Variants in PPP3R1 observed in about 807,000 individuals in gnomAD.
PPP3R1 encodes the protein calcineurin subunit B type 1.
In PPP3R1, 5 loss-of-function variants were observed where a neutral mutation model predicts 22.6. That is an observed-to-expected ratio of 0.22 (90% CI 0.12 to 0.46). The LOEUF is 0.46. Among genes scored for constraint, PPP3R1 ranks in the 20% least tolerant of loss-of-function variants. The pLI is 0.99. For synonymous variants in PPP3R1, 56 were observed against 65.2 expected, an observed-to-expected ratio of 0.86 and a Z score of 0.68; for missense variants, 61 against 203.2, an observed-to-expected ratio of 0.30 and a Z score of 4.25.
intron 2 of PPP3R1, among the ~76,000 whole-genome samples, chr2:68,209,374 A>C (rs1439196700): frequency 2.1e-5 from 3 of 140,472 alleles, no homozygotes; most frequent in Non-Finnish European, 4.5e-5. Flanking sequence ...AAAAAAAAAA[A>C]AAAAAAAAAA....
intron 1 of PPP3R1, among the ~76,000 whole-genome samples, chr2:68,228,548 T>G (rs1180445509): frequency 6.6e-6 from 1 of 152,188 alleles, no homozygotes; most frequent in Non-Finnish European, 1.5e-5. Flanking sequence ...TTCCTGATAA[T>G]GGTAATTTGT....
At chr2:68,191,597 C>T (rs761424855) in intron 2 of PPP3R1, among the ~76,000 whole-genome samples, 7 of 152,106 alleles carry the variant, frequency 4.6e-5, no homozygotes, top group Non-Finnish European at 8.8e-5. Context: ...CAATGCAACT[C>T]GTTGTTAAGT....
At chr2:68,206,098 G>A (rs755407841) in intron 2 of PPP3R1, among the ~76,000 whole-genome samples, 11 of 152,180 alleles carry the variant, frequency 7.2e-5, no homozygotes, top group Non-Finnish European at 1.2e-4. Flanking sequence ...GATTACAGGC[G>A]TGAGCCACCG....
At chr2:68,198,250 T>TAC (rs2103738939) in intron 2 of PPP3R1, among the ~76,000 whole-genome samples, 1 of 145,812 alleles carries the variant, frequency 6.9e-6, no homozygotes, top group East Asian at 2.0e-4. Context: ...CATATGTACA[T>TAC]ACATATGTAT....
chr2:68,250,350 C>CA (rs1251493897), intron 1 of PPP3R1, among the ~76,000 whole-genome samples: 2 of 152,046 alleles, frequency 1.3e-5, no homozygotes, highest in Non-Finnish European at 2.9e-5. Context: ...GTCTGTTGTT[C>CA]AAAAAACAGA....
chr2:68,187,142 T>C (rs1674562779), intron 4 of PPP3R1, 113 bp downstream of exon 4: 2 of 883,718 alleles, frequency 2.3e-6, no homozygotes, highest in Non-Finnish European at 3.3e-6. Context: ...TTCAGTTATG[T>C]CTAAGGATCT....
intron 1 of PPP3R1, among the ~76,000 whole-genome samples, chr2:68,237,710 G>A (rs1018087189): frequency 1.3e-5 from 2 of 152,004 alleles, no homozygotes; most frequent in African/African-American, 4.8e-5. Flanking sequence ...AGTTTCTGGG[G>A]CTGTATCTTT....
At chr2:68,244,822 C>G (rs1265924032) in intron 1 of PPP3R1, among the ~76,000 whole-genome samples, 2 of 151,958 alleles carry the variant, frequency 1.3e-5, no homozygotes, top group Non-Finnish European at 2.9e-5. Context: ...TTCCTTTATT[C>G]CACTTCACAT....
Position 68,250,555 on chromosome 2 carries a change from T to C in PPP3R1, c.3+1570A>G, listed in dbSNP as rs141777119. Reference sequence around the variant, plus strand: ...AAAGCATGTGCATAAGGAAATTCTATTAAAGCACTGAAATGCAATTCTTCA... The same window carrying C: ...AAAGCATGTGCATAAGGAAATTCTACTAAAGCACTGAAATGCAATTCTTCA... On this transcript the variant is annotated intron_variant, in intron 1 of 5. Transcript: ENST00000234310. Among the ~76,000 whole-genome samples the C allele has an allele frequency of 2.8e-3, 429 of 152,314 alleles. 2 individuals carry two copies. The highest frequency in any genetic ancestry group is 6.6e-3 in the African/African-American group (274 of 41,590).
At chr2:68,224,115 T>C (rs1343129339) in intron 1 of PPP3R1, among the ~76,000 whole-genome samples, 1 of 152,068 alleles carries the variant, frequency 6.6e-6, no homozygotes, top group Non-Finnish European at 1.5e-5. Flanking sequence ...CTATAAGACA[T>C]AGCTAAGAAA....
At chr2:68,223,094 T>C (rs890550968) in intron 1 of PPP3R1, among the ~76,000 whole-genome samples, 5 of 152,046 alleles carry the variant, frequency 3.3e-5, no homozygotes, top group African/African-American at 1.2e-4. Context: ...TCAGACAGTA[T>C]CACAAAAAAA....
chr2:68,249,161 A>G lies in PPP3R1; in HGVS notation c.3+2964T>C, dbSNP rs540808561. Among the ~76,000 whole-genome samples the G allele has an allele frequency of 2.0e-5, 3 of 152,310 alleles. No homozygotes were observed. The East Asian group carries it at 5.8e-4, about 29-fold the overall frequency. On this transcript the variant is annotated intron_variant, in intron 1 of 5. Coordinates refer to ENST00000234310, the MANE Select transcript of PPP3R1 (RefSeq NM_000945.4). ...CCTTCCATACTTGTCTGTCCCTCTCATTGCTGACTGACCCTTAGTCAGCTT... is the reference window on the plus strand; with the variant it reads ...CCTTCCATACTTGTCTGTCCCTCTCGTTGCTGACTGACCCTTAGTCAGCTT...
rs577060136 is a variant in PPP3R1, at chr2:68,188,470, T to TA, written c.220+43dup. ...TTACACAGAGCTGTAAGAATACAAA[T>TA]AGGTTAGATAACTTGTGGTTATAAA... On this transcript the variant is annotated intron_variant, in intron 3 of 5. Coordinates refer to ENST00000234310, the MANE Select transcript of PPP3R1 (RefSeq NM_000945.4). 136 of 1,417,788 alleles carry TA rather than the reference T, an allele frequency of 9.6e-5. No homozygotes were observed. In the African/African-American group the frequency reaches 1.9e-3, roughly 19 times the overall value. The allele number at this position is 1,417,788 out of a possible 1,614,324, so 87.8% of individuals were successfully genotyped here.
rs867676848 is a variant in PPP3R1 at position 68,187,673 on chromosome 2, A to C, written c.221-359T>G. On this transcript the variant is annotated intron_variant, in intron 3 of 5. Coordinates refer to ENST00000234310, the MANE Select transcript of PPP3R1 (RefSeq NM_000945.4). The stretch of plus-strand genomic sequence containing the variant: ...ACTATAAATTGTTCTGACACACACA[A>C]AAAACTTTAGCCTTCTGTTTCAAAA... Among the ~76,000 whole-genome samples the C allele has an allele frequency of 3.3e-5, 5 of 152,230 alleles. 1 individual carries two copies. The highest frequency in any genetic ancestry group is 9.6e-5 in the African/African-American group (4 of 41,466).
chr2:68,197,343 T>C (rs895282243), intron 2 of PPP3R1, among the ~76,000 whole-genome samples: 1 of 152,168 alleles, frequency 6.6e-6, no homozygotes, highest in East Asian at 1.9e-4. Context: ...CACTAATCCA[T>C]GTTGTTGCAT....
intron 2 of PPP3R1, among the ~76,000 whole-genome samples, chr2:68,192,190 T>C (rs1031381437): frequency 2.0e-5 from 3 of 152,190 alleles, no homozygotes; most frequent in Non-Finnish European, 2.9e-5. Flanking sequence ...AGCTACCCTC[T>C]CCACGCTTGC....
chr2:68,188,000 T>C (rs1288780493), intron 3 of PPP3R1, among the ~76,000 whole-genome samples: 1 of 152,008 alleles, frequency 6.6e-6, no homozygotes, highest in Non-Finnish European at 1.5e-5. Flanking sequence ...TGAAATCTCG[T>C]TTTTACTAAA....
chr2:68,183,753 G>T (rs1674471639), intron 5 of PPP3R1, among the ~76,000 whole-genome samples: 1 of 151,770 alleles, frequency 6.6e-6, no homozygotes, highest in Admixed American at 6.6e-5. Flanking sequence ...TATTTTTTTG[G>T]ACCTGGTTTC....
chr2:68,220,541 C>A (rs1329575956), intron 1 of PPP3R1, among the ~76,000 whole-genome samples: 1 of 152,096 alleles, frequency 6.6e-6, no homozygotes, highest in East Asian at 1.9e-4. Flanking sequence ...CTTTACTTAC[C>A]TTAAGAAAGA....
Sources: allele counts gnomAD v4.1 joint callset (sites outside exome capture counted in the v4.1 genomes callset), GRCh38; gene constraint gnomAD v4.1.1; transcripts MANE v1.5; gene names NCBI Gene and HGNC (gene_info 2026-07-23, HGNC 2026-07-21).